FRMD3: variants seen among roughly 807,000 people sequenced by gnomAD.
FRMD3 encodes the protein FERM domain-containing protein 3.
In FRMD3, 33 loss-of-function variants were observed where a neutral mutation model predicts 70.2. The observed-to-expected ratio is 0.47, with a 90% CI of 0.36 to 0.63. The LOEUF (loss-of-function observed/expected upper bound fraction) is 0.63. FRMD3 is among the 20% of genes least tolerant of loss of function. The pLI is 0.00. For synonymous variants in FRMD3, 279 were observed against 255.9 expected (o/e 1.09, Z -0.86); for missense variants, 632 against 711.4 (o/e 0.89, Z 1.27).
chr9:83,350,350 G>A (rs1420003018), intron 3 of FRMD3, among the ~76,000 whole-genome samples: 10 of 152,098 alleles, frequency 6.6e-5, no homozygotes, highest in Admixed American at 5.2e-4. Context: ...CCGGCTGGTC[G>A]TGGTGTCTCA....
intron 9 of FRMD3, among the ~76,000 whole-genome samples, chr9:83,310,066 T>C (rs1227517096): frequency 6.6e-6 from 1 of 152,230 alleles, no homozygotes; most frequent in Non-Finnish European, 1.5e-5. Context: ...ATCCACAATC[T>C]ATATCTAGTA....
chr9:83,334,598 T>A (rs770961052), intron 6 of FRMD3, among the ~76,000 whole-genome samples: 22 of 150,954 alleles, frequency 1.5e-4, no homozygotes, highest in Admixed American at 2.7e-4. Flanking sequence ...GTCATAACAC[T>A]GCCCATGCTT....
chr9:83,569,563 G>A, the FRMD3 span, among the ~76,000 whole-genome samples: 1 of 152,216 alleles, frequency 6.6e-6, no homozygotes, highest in African/African-American at 2.4e-5. Context: ...AGGAAGGAAA[G>A]TAGCCATTTG....
At chr9:83,332,805 G>A (rs555468924) in intron 6 of FRMD3, among the ~76,000 whole-genome samples, 11 of 152,288 alleles carry the variant, frequency 7.2e-5, no homozygotes, top group African/African-American at 2.2e-4. Context: ...ACAGCAGTTC[G>A]ATGGCCACAC....
At chr9:83,410,981 G>T (rs183390971) in intron 1 of FRMD3, among the ~76,000 whole-genome samples, 23 of 152,258 alleles carry the variant, frequency 1.5e-4, no homozygotes, top group African/African-American at 4.8e-4. Flanking sequence ...GGTACATTTT[G>T]CTGTCCCTCA....
Position 83,479,624 on chromosome 9 carries a change from AAAGG to A in FRMD3, c.147+58457_147+58460del, listed in dbSNP as rs1175480479. Among the ~76,000 whole-genome samples the A allele has an allele frequency of 3.8e-3, 236 of 61,452 alleles. 10 individuals carry two copies. The highest frequency in any genetic ancestry group is 8.8e-3 in the East Asian group (24 of 2,722). The allele number at this position is 61,452 out of a possible 152,430, so 40.3% of individuals were successfully genotyped here. On this transcript the variant is annotated intron_variant, in intron 1 of 13. Coordinates refer to ENST00000304195, the MANE Select transcript of FRMD3 (RefSeq NM_174938.6). ...CCTGAGGGATAGCAAGACCCTGAAGAAAGGAAGGAAGGAAGGAAGGAAGGAAGGA... is the reference window on the plus strand; with the variant it reads ...CCTGAGGGATAGCAAGACCCTGAAGAAAGGAAGGAAGGAAGGAAGGAAGGA...
chr9:83,393,560 AGACGCG>A (rs2131304388), intron 1 of FRMD3, among the ~76,000 whole-genome samples: 1 of 152,196 alleles, frequency 6.6e-6, no homozygotes, highest in South Asian at 2.1e-4. Flanking sequence ...ACCATAATGT[AGACGCG>A]GTGGGAGCCC....
chr9:83,551,755 T>C, the FRMD3 span, among the ~76,000 whole-genome samples: 1 of 152,200 alleles, frequency 6.6e-6, no homozygotes, highest in African/African-American at 2.4e-5. Flanking sequence ...TTCTAGTTTG[T>C]GTGCATAGAG....
chr9:83,327,443 G>A (rs776346890), intron 6 of FRMD3, among the ~76,000 whole-genome samples: 6 of 152,164 alleles, frequency 3.9e-5, no homozygotes, highest in Non-Finnish European at 8.8e-5. Flanking sequence ...ATGTGGGCTG[G>A]AGAGAGATTC....
chr9:83,378,725 T>A (rs1394057537), intron 2 of FRMD3, among the ~76,000 whole-genome samples: 1 of 106,924 alleles, frequency 9.4e-6, no homozygotes, highest in Non-Finnish European at 1.8e-5. Flanking sequence ...ATATTATATA[T>A]AATATATATA....
intron 1 of FRMD3, among the ~76,000 whole-genome samples, chr9:83,393,946 G>GT (rs150546083): frequency 0.45 from 66,879 of 147,014 alleles, 15,521 homozygotes; most frequent in Admixed American, 0.51. Context: ...TTTTGTTGTT[G>GT]TTGTTTTTTT....
the FRMD3 span, among the ~76,000 whole-genome samples, chr9:83,579,832 A>G: frequency 6.6e-6 from 1 of 152,124 alleles, no homozygotes; most frequent in Non-Finnish European, 1.5e-5. Flanking sequence ...AGAAACAATT[A>G]ACAAGGTGAA....
Position 83,507,726 on chromosome 9 carries a change from A to C in FRMD3, c.147+30359T>G, listed in dbSNP as rs1274287330. On this transcript the variant is annotated intron_variant, in intron 1 of 13. Coordinates refer to ENST00000304195, the MANE Select transcript of FRMD3 (RefSeq NM_174938.6). ...TATATATATATATATATATATATAT[A>C]TATATATATATATCTTCTGGAATAT... is the stretch of plus-strand genomic sequence containing the variant. 2.6e-5 allele frequency among the ~76,000 whole-genome samples: 3 copies of C among 116,276 alleles called. 1 individual carries two copies. The highest frequency in any genetic ancestry group is 5.5e-5 in the Non-Finnish European group (3 of 54,710). 76.3% of individuals were successfully genotyped at this position (116,276 alleles called of 152,430 possible).
chr9:83,284,061 A>ATT (rs71365307), intron 13 of FRMD3, among the ~76,000 whole-genome samples: 132 of 101,582 alleles, frequency 1.3e-3, no homozygotes, highest in African/African-American at 3.3e-3. Context: ...CTAGGATGTT[A>ATT]TTTTTTTTTT....
At position 83,248,042 on chromosome 9, in the gene FRMD3, G is replaced by A. The variant is rs539539722; in HGVS notation, c.1670C>T (p.Ser557Phe). Reference protein sequence around the residue: ...LLLLESGIDLSFLCEIRQTPE... With the variant: ...LLLLESGIDLFFLCEIRQTPE... ...TGTCTGGCGGATTTCGCATAAGAAG[G>A]AGAGATCAATACCTGACTCCAAAAG... Residue 557 changes from serine (S) to phenylalanine (F), a missense_variant, in exon 14 of 14, where the codon TCC becomes TTC. By Grantham distance (155) the Ser-to-Phe change is radical. Transcript: ENST00000304195. The A allele has an allele frequency of 6.8e-6, 11 of 1,614,112 alleles. No homozygotes were observed. The East Asian group carries it at 8.9e-5, about 13-fold the overall frequency.
chr9:83,526,188 T>A (rs1283061991), intron 1 of FRMD3, among the ~76,000 whole-genome samples: 1 of 152,216 alleles, frequency 6.6e-6, no homozygotes, highest in African/African-American at 2.4e-5. Context: ...GACTTGCACA[T>A]TTGCTTAGGG....
chr9:83,432,304 C>A (rs933380237), intron 1 of FRMD3, among the ~76,000 whole-genome samples: 2 of 152,220 alleles, frequency 1.3e-5, no homozygotes, highest in African/African-American at 4.8e-5. Flanking sequence ...TGCCACTGAG[C>A]CAGGAGCCAA....
chr9:83,348,779 G>A (rs1255199711), intron 4 of FRMD3, among the ~76,000 whole-genome samples: 1 of 152,018 alleles, frequency 6.6e-6, no homozygotes, highest in Non-Finnish European at 1.5e-5. Context: ...CTAAATGACT[G>A]TGAGGAAATT....
chr9:83,313,902 C>T (rs946840805), intron 6 of FRMD3, among the ~76,000 whole-genome samples, 155 bp from the exon 7 acceptor site: 1 of 152,158 alleles, frequency 6.6e-6, no homozygotes, highest in East Asian at 1.9e-4. Flanking sequence ...TTTCTCACCA[C>T]AAGGAGTCCT....
Sources: gnomAD v4.1 joint callset for allele counts (sites outside exome capture counted in the v4.1 genomes callset) on GRCh38, gnomAD v4.1.1 for gene constraint, MANE v1.5 for transcripts, NCBI Gene and HGNC (gene_info 2026-07-23, HGNC 2026-07-21) for gene names.